Variants in PCLO observed in about 807,000 individuals in gnomAD.
PCLO encodes the protein piccolo presynaptic cytomatrix protein.
PCLO carries 82 observed loss-of-function variants against 427.5 expected under a neutral mutation model. That is an observed-to-expected ratio of 0.19 (90% CI 0.16 to 0.23). PCLO has a LOEUF of 0.23. Ranked by LOEUF, PCLO falls within the 10% of genes least tolerant of loss-of-function variation. PCLO has a pLI of 1.00. For synonymous variants in PCLO, 2,357 were observed against 2,155.4 expected (o/e 1.09, Z -2.59); for missense variants, 6,239 against 6,115.9 (o/e 1.02, Z -0.67).
At chr7:82,985,789 A>T (rs1446754492) in intron 3 of PCLO, among the ~76,000 whole-genome samples, 1 of 151,968 alleles carries the variant, frequency 6.6e-6, no homozygotes, top group African/African-American at 2.4e-5. Flanking sequence ...TTTATTAAAA[A>T]TATCTCACAG....
intron 22 of PCLO, among the ~76,000 whole-genome samples, chr7:82,772,607 G>A (rs1790669904): frequency 6.6e-6 from 1 of 152,078 alleles, no homozygotes; most frequent in Non-Finnish European, 1.5e-5. Context: ...TAAAAGTTCT[G>A]TGAAAGTAGG....
chr7:83,044,106 A>G (rs1487794811), intron 3 of PCLO, among the ~76,000 whole-genome samples: 1 of 150,600 alleles, frequency 6.6e-6, no homozygotes, highest in Non-Finnish European at 1.5e-5. Context: ...AAAGTGAAGG[A>G]GAAGCAGGGC....
chr7:82,818,876 A>C (rs1207804854), intron 20 of PCLO, among the ~76,000 whole-genome samples: 3 of 152,322 alleles, frequency 2.0e-5, no homozygotes, highest in South Asian at 4.1e-4. Flanking sequence ...TATTATTTTC[A>C]GAATGCGGAT....
Position 82,952,858 on chromosome 7 carries a change from G to C in PCLO, c.8095C>G (p.Pro2699Ala), listed in dbSNP as rs551639501. Reference protein sequence around the residue: ...VGLSSISITIPPEPLALDNIH... With the variant: ...VGLSSISITIAPEPLALDNIH... Reference sequence around the variant, plus strand: ...TTATCTAGAGCAAGAGGCTCTGGAGGAATTGTTATGGAAATGCTGCTGAGA... The same window carrying C: ...TTATCTAGAGCAAGAGGCTCTGGAGCAATTGTTATGGAAATGCTGCTGAGA... Residue 2699 changes from proline to alanine, a missense_variant, in exon 5 of 25, where the codon CCT becomes GCT. By Grantham distance (27) the Pro-to-Ala change is conservative. Around this residue, in one of 5 missense-constraint regions of PCLO, gnomAD observed 4,677 missense variants for 4,468.4 expected, o/e 1.05. Transcript: ENST00000333891. 6 of 1,613,812 alleles carry C rather than the reference G, an allele frequency of 3.7e-6. No individual in the cohort carries two copies. The African/African-American group carries it at 8.0e-5, about 22-fold the overall frequency.
chr7:83,016,786 G>A (rs186308805), intron 3 of PCLO, among the ~76,000 whole-genome samples: 27 of 152,184 alleles, frequency 1.8e-4, no homozygotes, highest in Admixed American at 1.0e-3. Flanking sequence ...TGGACGCTGC[G>A]TACTGGGTTT....
chr7:82,794,459 C>CTATTTTTTTTTTTTTT (rs1554333552), intron 22 of PCLO, among the ~76,000 whole-genome samples: 1 of 56,350 alleles, frequency 1.8e-5, no homozygotes, highest in Non-Finnish European at 4.1e-5. Flanking sequence ...AATTTTTTTT[C>CTATTTTTTTTTTTTTT]TTTTTTTTTT....
At chr7:83,125,366 G>A (rs556147049) in intron 3 of PCLO, among the ~76,000 whole-genome samples, 25 of 152,280 alleles carry the variant, frequency 1.6e-4, no homozygotes, top group Admixed American at 7.8e-4. Flanking sequence ...TGCTCTGCCC[G>A]GCCACCACCC....
At chr7:83,069,818 C>G (rs1280805073) in intron 3 of PCLO, among the ~76,000 whole-genome samples, 1 of 138,278 alleles carries the variant, frequency 7.2e-6, no homozygotes, top group Non-Finnish European at 1.5e-5. Flanking sequence ...CACACACACA[C>G]ACACACACAA....
At chr7:82,869,158 A>G (rs1793169973) in intron 10 of PCLO, among the ~76,000 whole-genome samples, 1 of 152,136 alleles carries the variant, frequency 6.6e-6, no homozygotes. Context: ...AGTCCATGAT[A>G]TTAACCAAGT....
intron 22 of PCLO, among the ~76,000 whole-genome samples, chr7:82,794,501 T>C (rs1791184487): frequency 7.0e-6 from 1 of 141,908 alleles, no homozygotes; most frequent in Admixed American, 7.3e-5. Flanking sequence ...AGACACAGTC[T>C]TGCTTTGTCA....
chr7:82,764,187 T>C (rs2129467641), intron 22 of PCLO, among the ~76,000 whole-genome samples: 2 of 152,078 alleles, frequency 1.3e-5, no homozygotes, highest in South Asian at 4.1e-4. Context: ...ATGGGATTAC[T>C]GATTTTTGTA....
chr7:82,789,036 A>G (rs1791044253), intron 22 of PCLO, among the ~76,000 whole-genome samples: 1 of 152,066 alleles, frequency 6.6e-6, no homozygotes, highest in South Asian at 2.1e-4. Flanking sequence ...ATATATCTAA[A>G]TACTTTATTA....
intron 6 of PCLO, among the ~76,000 whole-genome samples, chr7:82,927,203 A>G (rs1794732862): frequency 6.6e-6 from 1 of 152,200 alleles, no homozygotes; most frequent in African/African-American, 2.4e-5. Context: ...TAAGAAAATT[A>G]GGACCAATTG....
chr7:82,824,792 A>C (rs1791894000), intron 18 of PCLO, among the ~76,000 whole-genome samples: 1 of 151,700 alleles, frequency 6.6e-6, no homozygotes, highest in African/African-American at 2.4e-5. Context: ...AAATACAAAA[A>C]AAAAAAATTA....
chr7:82,961,592 T>C (rs539373554), intron 4 of PCLO, among the ~76,000 whole-genome samples: 1 of 152,336 alleles, frequency 6.6e-6, no homozygotes, highest in African/African-American at 2.4e-5. Flanking sequence ...AGGATTTTAG[T>C]TGTATTTTTA....
chr7:82,955,175 G>C lies in PCLO; in HGVS notation c.5778C>G (p.His1926Gln), dbSNP rs1443509049. The change falls in exon 5 of 25, where the codon CAC becomes CAG. Residue 1926 changes from histidine (H) to glutamine (Q), a missense_variant. By Grantham distance (24) the His-to-Gln change is conservative. Transcript: ENST00000333891. ...EMYEEMMHKT[H>Q]KYKAFPAANE... ...TTGCAGCTGGAAAAGCTTTGTATTT[G>C]TGTGTTTTATGCATCATTTCTTCAT... 1 of 1,613,718 alleles carries C rather than the reference G, an allele frequency of 6.2e-7. No individual in the cohort carries two copies. Among genetic ancestry groups the C allele is most frequent in the South Asian group, 1.1e-5 (1 of 91,082 alleles).
At chr7:83,088,098 A>G (rs1451000466) in intron 3 of PCLO, among the ~76,000 whole-genome samples, 2 of 152,336 alleles carry the variant, frequency 1.3e-5, no homozygotes, top group East Asian at 1.9e-4. Flanking sequence ...AAATTTTCCT[A>G]TCATGAACTA....
chr7:82,799,833 G>A (rs2129468620), intron 22 of PCLO, among the ~76,000 whole-genome samples: 1 of 152,192 alleles, frequency 6.6e-6, no homozygotes, highest in Middle Eastern at 3.4e-3. Context: ...TAGCTTATGG[G>A]GACAATAGCT....
intron 3 of PCLO, among the ~76,000 whole-genome samples, 160 bp downstream of exon 3, chr7:83,134,090 A>C (rs905331520): frequency 4.0e-5 from 6 of 151,656 alleles, no homozygotes; most frequent in Admixed American, 4.0e-4. Context: ...TAAGAAGGTA[A>C]GCTGGTAATA....
Sources: gnomAD v4.1 joint callset for allele counts (sites outside exome capture counted in the v4.1 genomes callset) on GRCh38, gnomAD v4.1.1 for gene constraint, gnomAD v4.1.1 regional missense constraint, MANE v1.5 for transcripts, NCBI Gene and HGNC (gene_info 2026-07-23, HGNC 2026-07-21) for gene names.